TRMT9B: variants seen among roughly 807,000 people sequenced by gnomAD.
TRMT9B encodes probable tRNA methyltransferase 9B.
A neutral mutation model predicts 11.5 loss-of-function variants in TRMT9B; 16 were observed. That is an observed-to-expected ratio of 1.39 (90% CI 0.94 to 2.11). The LOEUF (loss-of-function observed/expected upper bound fraction) is 2.11, where lower values mean the gene tolerates loss of function less well. Ranked by LOEUF, TRMT9B falls within the 30% of genes most tolerant of loss-of-function variation. The pLI is 0.00. For missense variants in TRMT9B, 941 were observed against 553.8 expected, an observed-to-expected ratio of 1.70 and a Z score of -7.02; for synonymous variants, 274 against 192.4, an observed-to-expected ratio of 1.42 and a Z score of -3.51.
chr8:12,997,654 G>A (rs1346728054), intron 2 of TRMT9B, among the ~76,000 whole-genome samples: 3 of 152,180 alleles, frequency 2.0e-5, no homozygotes, highest in Admixed American at 1.3e-4. Flanking sequence ...ATGGTCACAT[G>A]TGCAGTTTCC....
intron 2 of TRMT9B, among the ~76,000 whole-genome samples, chr8:12,995,638 C>G (rs931140740): frequency 1.3e-5 from 2 of 152,076 alleles, no homozygotes; most frequent in Non-Finnish European, 2.9e-5. Context: ...GAAAACTTTA[C>G]TGATACACAT....
At chr8:13,008,130 G>C (rs1810847428) in intron 3 of TRMT9B, among the ~76,000 whole-genome samples, 2 of 152,168 alleles carry the variant, frequency 1.3e-5, no homozygotes, top group African/African-American at 2.4e-5. Flanking sequence ...TGTTGCATAT[G>C]TGTTTCTGTT....
intron 1 of TRMT9B, among the ~76,000 whole-genome samples, chr8:12,975,566 G>A (rs1247358269): frequency 1.3e-5 from 2 of 151,990 alleles, no homozygotes; most frequent in Non-Finnish European, 2.9e-5. Context: ...GCGAAACCGA[G>A]TCTCTATTAA....
rs1052751400 is a variant in TRMT9B, at chr8:12,983,682, A to G, written c.-199-7152A>G. Among the ~76,000 whole-genome samples, 8 of 152,260 alleles carry G rather than the reference A, an allele frequency of 5.3e-5. No homozygotes were observed. The East Asian group carries it at 1.5e-3, about 29-fold the overall frequency. On this transcript the variant is annotated intron_variant, in intron 1 of 4. Coordinates refer to ENST00000524591, the MANE Select transcript of TRMT9B (RefSeq NM_020844.3). ...AAGACGCCGTCTCAAAATAATAATA[A>G]TAATAAAACCCTTCTAGCAGAATGT... is the stretch of plus-strand genomic sequence containing the variant.
intron 1 of TRMT9B, among the ~76,000 whole-genome samples, chr8:12,989,956 C>T (rs1028533241): frequency 1.3e-5 from 2 of 152,170 alleles, no homozygotes; most frequent in African/African-American, 4.8e-5. Flanking sequence ...GAGAAGTTTT[C>T]CAAAGCACAT....
rs75288247 is a variant in TRMT9B at position 12,998,345 on chromosome 8, T to G, written c.-2+7314T>G. Among the ~76,000 whole-genome samples, 36 of 152,364 alleles carry G rather than the reference T, an allele frequency of 2.4e-4. No homozygotes were observed. The East Asian group carries it at 6.9e-3, about 29-fold the overall frequency. On this transcript the variant is annotated intron_variant, in intron 2 of 4. Transcript: ENST00000524591. ...TTTTCCTCTAAAAGCTTTATTGTTC[T>G]GTATGATAGAAAGAGGTTTTAATTC...
In TRMT9B at chr8:13,026,858, T is replaced by C. The variant is rs1448443223; in HGVS notation, c.*4814T>C. On this transcript the variant is annotated 3_prime_UTR_variant, in exon 5 of 5. Transcript: ENST00000524591. ...TAGAGCCTTTCAAGGTAAGTGTGAT[T>C]ATCCCCTTTCCAAATGAGCTTTGGA... 6.0e-6 allele frequency: 1 copy of C among 167,118 alleles called. No homozygotes were observed. Among genetic ancestry groups the C allele is most frequent in the Admixed American group, 6.5e-5 (1 of 15,288 alleles). The allele number at this position is 167,118 out of a possible 1,614,324, so 10.4% of individuals were successfully genotyped here. A position where few individuals can be genotyped will look rare whatever the true frequency, so the allele number is the denominator to read the frequency against.
At chr8:12,962,513 T>C (rs760333475) in intron 1 of TRMT9B, among the ~76,000 whole-genome samples, 73 of 152,106 alleles carry the variant, frequency 4.8e-4, no homozygotes, top group Non-Finnish European at 7.6e-4. Context: ...TTGTTTTTGA[T>C]AGGGTTCCCC....
At position 12,948,680 on chromosome 8, in the gene TRMT9B, G is replaced by A. The variant is rs1047568713; in HGVS notation, c.-200+2714G>A. Among the ~76,000 whole-genome samples, 11 of 151,930 alleles carry A rather than the reference G, an allele frequency of 7.2e-5. 1 individual carries two copies. The highest frequency in any genetic ancestry group is 2.7e-4 in the African/African-American group (11 of 41,376). The stretch of plus-strand genomic sequence containing the variant: ...GTGTAACATTAGAAAAAAACAGAAG[G>A]CCAGGCACGGTGGCTCATGCCTGTA... On this transcript the variant is annotated intron_variant, in intron 1 of 4. Transcript: ENST00000524591.
At chr8:13,008,740 C>G (rs1047875376) in intron 3 of TRMT9B, among the ~76,000 whole-genome samples, 3 of 150,918 alleles carry the variant, frequency 2.0e-5, no homozygotes, top group Admixed American at 6.6e-5. Flanking sequence ...ATTTTTTTTT[C>G]TTTTTTGAGA....
chr8:12,974,580 C>A (rs1023167300), intron 1 of TRMT9B, among the ~76,000 whole-genome samples: 1 of 152,164 alleles, frequency 6.6e-6, no homozygotes, highest in African/African-American at 2.4e-5. Context: ...TTCCAGACAA[C>A]AGGTTGGCCA....
intron 4 of TRMT9B, among the ~76,000 whole-genome samples, chr8:13,013,948 C>CA (rs1812145254): frequency 6.6e-6 from 1 of 150,880 alleles, no homozygotes; most frequent in African/African-American, 2.4e-5. Context: ...AGACTCATCT[C>CA]AAAAAAATAA....
At chr8:13,012,196 A>T (rs1019204425) in intron 3 of TRMT9B, 2 of 985,268 alleles carry the variant, frequency 2.0e-6, no homozygotes, top group Non-Finnish European at 2.4e-6. Flanking sequence ...TCTATATGAG[A>T]ATCTGTAAGT....
At position 13,009,684 on chromosome 8, in the gene TRMT9B, T is replaced by A. The variant is rs190584174; in HGVS notation, c.155-3000T>A. 3.0e-4 allele frequency among the ~76,000 whole-genome samples: 46 copies of A among 152,316 alleles called. No individual in the cohort carries two copies. In the East Asian group the frequency reaches 5.2e-3, roughly 17 times the overall value. On this transcript the variant is annotated intron_variant, in intron 3 of 4. Transcript: ENST00000524591. The stretch of plus-strand genomic sequence containing the variant: ...AACAATTATAATTATACACCTAGGT[T>A]TTGTTATACTTTTAATATATTGAGG...
intron 1 of TRMT9B, among the ~76,000 whole-genome samples, chr8:12,986,584 T>C (rs1806348529): frequency 6.6e-6 from 1 of 152,250 alleles, no homozygotes; most frequent in African/African-American, 2.4e-5. Flanking sequence ...AGTAAACTAA[T>C]TTGGATGTAT....
intron 1 of TRMT9B, among the ~76,000 whole-genome samples, chr8:12,956,078 TC>T (rs1801262972): frequency 6.6e-6 from 1 of 152,192 alleles, no homozygotes; most frequent in Non-Finnish European, 1.5e-5. Context: ...CTCTCCACTT[TC>T]CTTCTTACGC....
chr8:12,959,472 G>A (rs1801758496), intron 1 of TRMT9B, among the ~76,000 whole-genome samples: 1 of 116,992 alleles, frequency 8.5e-6, no homozygotes, highest in Admixed American at 8.7e-5. Context: ...CCAAGCATTT[G>A]TATTTTCCTC....
chr8:12,959,066 C>T (rs1286877494), intron 1 of TRMT9B, among the ~76,000 whole-genome samples: 1 of 152,086 alleles, frequency 6.6e-6, no homozygotes, highest in Non-Finnish European at 1.5e-5. Context: ...ATGTTGTGCA[C>T]ATGTACCCTA....
chr8:13,006,241 G>A lies in TRMT9B; in HGVS notation c.39G>A (p.Val13=). 3 of 1,613,988 alleles carry A rather than the reference G, an allele frequency of 1.9e-6. No individual in the cohort carries two copies. The highest frequency in any genetic ancestry group is 2.5e-6 in the Non-Finnish European group (3 of 1,179,892). ...HEAAQLEKQH[V]HNVYESTAPY... is the part of the protein sequence containing the mutation. ...CCGCCCAGCTGGAGAAGCAGCATGTGCACAATGTGTACGAGAGCACAGCCC... is the reference window on the plus strand; with the variant it reads ...CCGCCCAGCTGGAGAAGCAGCATGTACACAATGTGTACGAGAGCACAGCCC... The change falls in exon 3 of 5, where the codon GTG becomes GTA. Residue 13 remains valine, a synonymous_variant. Coordinates refer to ENST00000524591, the MANE Select transcript of TRMT9B (RefSeq NM_020844.3).
Sources: allele counts gnomAD v4.1 joint callset (sites outside exome capture counted in the v4.1 genomes callset), GRCh38; gene constraint gnomAD v4.1.1; transcripts MANE v1.5; gene names NCBI Gene and HGNC (gene_info 2026-07-23, HGNC 2026-07-21).